Variants in DPYD observed in about 807,000 individuals in gnomAD.
The protein encoded by DPYD is dihydropyrimidine dehydrogenase [NADP(+)].
Under a neutral mutation model 116.2 loss-of-function variants are expected in DPYD, and 109 were observed. The ratio of observed to expected loss-of-function variants is 0.94; its 90% CI spans 0.80 to 1.10. The LOEUF (loss-of-function observed/expected upper bound fraction) is 1.10, where lower values mean the gene tolerates loss of function less well. DPYD is among the 50% of genes least tolerant of loss of function. The pLI is 0.00. For synonymous variants in DPYD, 440 were observed against 432.0 expected (o/e 1.02, Z -0.23); for missense variants, 1,302 against 1,254.5 (o/e 1.04, Z -0.57).
chr1:97,220,806 A>G (rs1660725241), intron 19 of DPYD, among the ~76,000 whole-genome samples: 1 of 152,144 alleles, frequency 6.6e-6, no homozygotes, highest in Non-Finnish European at 1.5e-5. Context: ...TGTACCCAAG[A>G]ATAGAACCTT....
Position 97,139,321 on chromosome 1 carries a change from A to G in DPYD, c.2623-40689T>C, listed in dbSNP as rs993704873. On this transcript the variant is annotated intron_variant, in intron 20 of 22. Transcript: ENST00000370192. The stretch of plus-strand genomic sequence containing the variant: ...GCCAGTGGGATTTTTAGAAAACTGC[A>G]AAGTGTTTTTTGTTCTTCTGAGAAA... Among the ~76,000 whole-genome samples, 5 of 152,148 alleles carry G rather than the reference A, an allele frequency of 3.3e-5. No homozygotes were observed. In the South Asian group the frequency reaches 6.2e-4, roughly 19 times the overall value.
At chr1:97,269,198 C>A (rs1321390126) in intron 18 of DPYD, among the ~76,000 whole-genome samples, 1 of 152,156 alleles carries the variant, frequency 6.6e-6, no homozygotes, top group Admixed American at 6.5e-5. Flanking sequence ...GTCTCCAATA[C>A]CACATTCGTT....
intron 20 of DPYD, among the ~76,000 whole-genome samples, chr1:97,189,045 C>T (rs926848446): frequency 2.6e-5 from 4 of 152,082 alleles, no homozygotes; most frequent in African/African-American, 9.7e-5. Context: ...CTTAATGTTA[C>T]CAATAAGCTT....
At chr1:97,826,056 T>C (rs998011727) in intron 3 of DPYD, among the ~76,000 whole-genome samples, 1 of 151,988 alleles carries the variant, frequency 6.6e-6, no homozygotes, top group African/African-American at 2.4e-5. Context: ...AAGTAAAATG[T>C]ATAACTTAAG....
chr1:97,206,638 TTA>T (rs57893705), intron 19 of DPYD, among the ~76,000 whole-genome samples: 2,268 of 48,624 alleles, frequency 0.047, 58 homozygotes, highest in Middle Eastern at 0.1. Flanking sequence ...CAGGGAGATT[TTA>T]TATATATATA....
At chr1:97,452,517 G>C (rs559026456) in intron 13 of DPYD, among the ~76,000 whole-genome samples, 1 of 152,194 alleles carries the variant, frequency 6.6e-6, no homozygotes, top group East Asian at 1.9e-4. Context: ...CAGACCAGTG[G>C]TTTGGGCTTT....
At chr1:97,743,201 A>C (rs1415641883) in intron 3 of DPYD, among the ~76,000 whole-genome samples, 1 of 152,096 alleles carries the variant, frequency 6.6e-6, no homozygotes, top group East Asian at 1.9e-4. Context: ...GCTGTTGAAA[A>C]TGTCAGATGT....
At chr1:97,742,827 A>G (rs1011652470) in intron 3 of DPYD, among the ~76,000 whole-genome samples, 9 of 152,126 alleles carry the variant, frequency 5.9e-5, no homozygotes, top group Non-Finnish European at 8.8e-5. Context: ...TATTGTTGAA[A>G]AAAAGTCTTT....
intron 11 of DPYD, among the ~76,000 whole-genome samples, chr1:97,562,755 G>A (rs1325329071): frequency 6.6e-6 from 1 of 152,128 alleles, no homozygotes; most frequent in Non-Finnish European, 1.5e-5. Flanking sequence ...GTCTCACTCT[G>A]TTGCCCAGGC....
At chr1:97,431,595 T>C (rs1675180674) in intron 14 of DPYD, among the ~76,000 whole-genome samples, 1 of 152,180 alleles carries the variant, frequency 6.6e-6, no homozygotes, top group South Asian at 2.1e-4. Flanking sequence ...TAATTGTACA[T>C]TTTTATGGAG....
intron 13 of DPYD, among the ~76,000 whole-genome samples, chr1:97,496,647 T>C (rs948886732): frequency 1.3e-5 from 2 of 152,042 alleles, no homozygotes; most frequent in African/African-American, 4.8e-5. Context: ...TATAATGTAT[T>C]CTCTATTCTT....
chr1:97,277,619 T>G (rs746213083), intron 18 of DPYD, among the ~76,000 whole-genome samples: 6 of 152,142 alleles, frequency 3.9e-5, no homozygotes, highest in Non-Finnish European at 8.8e-5. Flanking sequence ...CCCATTGACC[T>G]TCTCTAAAAC....
intron 14 of DPYD, among the ~76,000 whole-genome samples, chr1:97,391,482 T>C (rs1241059123): frequency 6.6e-6 from 1 of 151,934 alleles, no homozygotes; most frequent in Non-Finnish European, 1.5e-5. Context: ...AGTTAAAAAA[T>C]AATAATAATT....
chr1:97,412,926 A>T (rs1674090867), intron 14 of DPYD, among the ~76,000 whole-genome samples: 1 of 152,204 alleles, frequency 6.6e-6, no homozygotes, highest in South Asian at 2.1e-4. Flanking sequence ...GTAGAATGCC[A>T]TAAAAGCCTG....
At chr1:97,220,602 A>G (rs1660712372) in intron 19 of DPYD, among the ~76,000 whole-genome samples, 1 of 152,154 alleles carries the variant, frequency 6.6e-6, no homozygotes, top group Non-Finnish European at 1.5e-5. Context: ...AGTGATAAAG[A>G]TGCCATTTTA....
chr1:97,309,298 G>T (rs1182915794), intron 16 of DPYD, among the ~76,000 whole-genome samples: 1 of 150,998 alleles, frequency 6.6e-6, no homozygotes, highest in Non-Finnish European at 1.5e-5. Context: ...CCCTGAACAT[G>T]ATTTGCAATC....
chr1:97,441,936 A>G (rs1467346831), intron 14 of DPYD, among the ~76,000 whole-genome samples: 1 of 152,172 alleles, frequency 6.6e-6, no homozygotes, highest in Non-Finnish European at 1.5e-5. Flanking sequence ...TACTTAATTA[A>G]GAGTCTTATT....
intron 12 of DPYD, among the ~76,000 whole-genome samples, chr1:97,544,223 A>C (rs1027755738): frequency 6.6e-6 from 1 of 152,164 alleles, no homozygotes; most frequent in Non-Finnish European, 1.5e-5. Flanking sequence ...AGTTAATGAC[A>C]ATGTGGAGAG....
chr1:97,570,897 T>G (rs1652844995), intron 11 of DPYD, among the ~76,000 whole-genome samples: 1 of 151,962 alleles, frequency 6.6e-6, no homozygotes, highest in Non-Finnish European at 1.5e-5. Context: ...CATTAGGTAC[T>G]CAGTAAATGT....
Sources: allele counts gnomAD v4.1 joint callset (sites outside exome capture counted in the v4.1 genomes callset), GRCh38; gene constraint gnomAD v4.1.1; transcripts MANE v1.5; gene names NCBI Gene and HGNC (gene_info 2026-07-23, HGNC 2026-07-21).